The following CHD9 variants were observed in gnomAD, a reference collection of about 807,000 sequenced individuals.
CHD9 encodes ATP-dependent chromatin remodeler CHD9.
CHD9 carries 77 observed loss-of-function variants against 316.1 expected under a neutral mutation model. That is an observed-to-expected ratio of 0.24 (90% confidence interval 0.20 to 0.29). CHD9 has a LOEUF of 0.29. CHD9 is among the 10% of genes least tolerant of loss of function. The pLI is 1.00. For missense variants in CHD9, 2,763 were observed against 3,438.1 expected, an observed-to-expected ratio of 0.80 and a Z score of 4.91; for synonymous variants, 1,129 against 1,158.3, an observed-to-expected ratio of 0.97 and a Z score of 0.51.
chr16:53,229,042 A>C lies in CHD9; in HGVS notation c.2228A>C (p.Gln743Pro). The change falls in exon 8 of 39, where the codon CAG (glutamine) becomes CCG (proline). Residue 743 changes from glutamine to proline, a missense_variant. By Grantham distance (76) the Gln-to-Pro change is moderately conservative (BLOSUM62 -1). This residue lies in a region of CHD9 where 859 missense variants were observed against 890.4 expected (regional missense o/e 0.96). Coordinates refer to ENST00000447540, the MANE Select transcript of CHD9 (RefSeq NM_001308319.2). ...CAGCTTTTGAAAGATAAAAGGATCCAGCAGAAAATCAAACGATTCAAATTG... is the reference window on the plus strand; with the variant it reads ...CAGCTTTTGAAAGATAAAAGGATCCCGCAGAAAATCAAACGATTCAAATTG... ...EEQLLKDKRI[Q>P]QKIKRFKLRQ... is the part of the protein sequence containing the mutation. 6.2e-7 allele frequency: 1 copy of C among 1,600,656 alleles called. No homozygotes were observed. Among genetic ancestry groups the C allele is most frequent in the Non-Finnish European group, 8.5e-7 (1 of 1,173,150 alleles).
At chr16:53,136,908 AC>A (rs1191366071) in intron 1 of CHD9, among the ~76,000 whole-genome samples, 1 of 152,134 alleles carries the variant, frequency 6.6e-6, no homozygotes, top group Non-Finnish European at 1.5e-5. Context: ...CTATTTTTGA[AC>A]TTTATTAAAT....
At chr16:53,259,154 T>C (rs1243510290) in intron 19 of CHD9, among the ~76,000 whole-genome samples, 1 of 152,218 alleles carries the variant, frequency 6.6e-6, no homozygotes, top group Non-Finnish European at 1.5e-5. Flanking sequence ...CATAATTGCT[T>C]GTCACAATCC....
intron 37 of CHD9, 153 bp from the exon 38 acceptor site, chr16:53,321,373 G>T: frequency 1.0e-6 from 1 of 983,350 alleles, no homozygotes; most frequent in Non-Finnish European, 1.2e-6. Flanking sequence ...ATAGGGTCAC[G>T]GTGGGCCTTT....
At chr16:53,079,728 G>A (rs571519039) in intron 1 of CHD9, among the ~76,000 whole-genome samples, 1 of 152,188 alleles carries the variant, frequency 6.6e-6, no homozygotes, top group African/African-American at 2.4e-5. Flanking sequence ...TGGAGACTAA[G>A]CTCTATGAAA....
At chr16:53,254,722 G>A in intron 18 of CHD9, 117 bp downstream of exon 18, 2 of 827,666 alleles carry the variant, frequency 2.4e-6, no homozygotes, top group East Asian at 2.6e-5. Flanking sequence ...TTTGTTTTCT[G>A]CAGGGGAACA....
intron 1 of CHD9, among the ~76,000 whole-genome samples, chr16:53,146,519 T>C (rs1484879784): frequency 6.7e-6 from 1 of 148,366 alleles, no homozygotes. Flanking sequence ...ATGGTGAGGA[T>C]GGACTTGGTG....
intron 1 of CHD9, among the ~76,000 whole-genome samples, chr16:53,077,074 G>A (rs894604658): frequency 2.7e-4 from 41 of 151,006 alleles, no homozygotes; most frequent in Admixed American, 2.3e-3. Flanking sequence ...TGCAACCTCC[G>A]CCTCCTGGGT....
chr16:53,223,827 A>T (rs970483588), intron 4 of CHD9, among the ~76,000 whole-genome samples: 5 of 152,192 alleles, frequency 3.3e-5, no homozygotes, highest in African/African-American at 9.7e-5. Context: ...TTATTGATAT[A>T]TTTGATTGTG....
chr16:53,093,998 G>A (rs996337505), intron 1 of CHD9, among the ~76,000 whole-genome samples: 10 of 152,210 alleles, frequency 6.6e-5, no homozygotes, highest in African/African-American at 2.2e-4. Flanking sequence ...GCCTCTGCCC[G>A]GTGTCAGCCT....
In CHD9 at chr16:53,179,010, G is replaced by A. The variant is rs28721554; in HGVS notation, c.1452+21469G>A. Among the ~76,000 whole-genome samples, 1,509 of 151,662 alleles carry A rather than the reference G, an allele frequency of 9.9e-3. 10 individuals are homozygous for A. The highest frequency in any genetic ancestry group is 0.024 in the Middle Eastern group (7 of 294). On this transcript the variant is annotated intron_variant, in intron 2 of 38. Coordinates refer to ENST00000447540, the MANE Select transcript of CHD9 (RefSeq NM_001308319.2). ...TGCATTCTAGCCTGGGCAACATAGC[G>A]AGACCCTGTTTCTAAAAAAAAAATT...
chr16:53,231,349 G>C, intron 8 of CHD9, 70 bp from the exon 9 acceptor site: 1 of 824,682 alleles, frequency 1.2e-6, no homozygotes, highest in East Asian at 2.5e-5. Context: ...TGAAATGCTA[G>C]TAAATTCGTC....
At chr16:53,282,203 C>T (rs571325850) in intron 24 of CHD9, among the ~76,000 whole-genome samples, 1 of 152,276 alleles carries the variant, frequency 6.6e-6, no homozygotes, top group South Asian at 2.1e-4. Flanking sequence ...GTCACCTTAA[C>T]TTACACATAC....
At chr16:53,102,060 A>G (rs1303028072) in intron 1 of CHD9, among the ~76,000 whole-genome samples, 1 of 152,172 alleles carries the variant, frequency 6.6e-6, no homozygotes, top group African/African-American at 2.4e-5. Context: ...CTTCAGGGCT[A>G]TTAAGTTTCC....
chr16:53,159,026 G>A lies in CHD9; in HGVS notation c.1452+1485G>A, dbSNP rs1262588584. 3.3e-5 allele frequency among the ~76,000 whole-genome samples: 5 copies of A among 152,118 alleles called. No individual in the cohort carries two copies. The East Asian group carries it at 9.6e-4, about 29-fold the overall frequency. On this transcript the variant is annotated intron_variant, in intron 2 of 38. Transcript: ENST00000447540. ...ATGTTAGCTTATGCCTGTAATCCCAGCACTTTGGGAGATTGAGGTGAGAGG... is the reference window on the plus strand; with the variant it reads ...ATGTTAGCTTATGCCTGTAATCCCAACACTTTGGGAGATTGAGGTGAGAGG...
At chr16:53,212,544 T>C (rs1270623266) in intron 3 of CHD9, among the ~76,000 whole-genome samples, 9 of 152,196 alleles carry the variant, frequency 5.9e-5, no homozygotes, top group Admixed American at 5.9e-4. Flanking sequence ...AGAAAAGCAA[T>C]ACTGCCCCTG....
intron 9 of CHD9, 32 bp downstream of exon 9, chr16:53,231,537 AG>A: frequency 1.4e-6 from 2 of 1,444,744 alleles, no homozygotes; most frequent in South Asian, 2.4e-5. Flanking sequence ...TTTTTAAGTA[AG>A]AAAAATCTGA....
chr16:53,289,956 C>A (rs2153049657), intron 27 of CHD9, among the ~76,000 whole-genome samples: 1 of 152,302 alleles, frequency 6.6e-6, no homozygotes, highest in South Asian at 2.1e-4. Flanking sequence ...CTGGGAAAAG[C>A]TGCTGACCAA....
chr16:53,131,402 G>C (rs1417631319), intron 1 of CHD9: 1 of 145,508 alleles, frequency 6.9e-6, no homozygotes, highest in African/African-American at 2.5e-5. Context: ...TGAGGGATCC[G>C]GTCCCGGGGC....
At chr16:53,199,425 T>C (rs998188207) in intron 2 of CHD9, among the ~76,000 whole-genome samples, 2 of 152,218 alleles carry the variant, frequency 1.3e-5, no homozygotes, top group African/African-American at 4.8e-5. Flanking sequence ...AATAAAAATT[T>C]CACCTTTTGT....
Sources: gnomAD v4.1 joint callset for allele counts (sites outside exome capture counted in the v4.1 genomes callset) on GRCh38, gnomAD v4.1.1 for gene constraint, gnomAD v4.1.1 regional missense constraint, MANE v1.5 for transcripts, NCBI Gene and HGNC (gene_info 2026-07-23, HGNC 2026-07-21) for gene names.